GALK2: variants seen among roughly 807,000 people sequenced by gnomAD.
GALK2 encodes the protein N-acetylgalactosamine kinase.
GALK2 carries 36 observed loss-of-function variants against 52.4 expected under a neutral mutation model. The observed-to-expected ratio is 0.69, with a 90% CI of 0.53 to 0.91. The LOEUF (loss-of-function observed/expected upper bound fraction) is 0.91, where lower values mean the gene tolerates loss of function less well. Among genes scored for constraint, GALK2 ranks in the 40% least tolerant of loss-of-function variants. The probability of loss-of-function intolerance (pLI) is 0.00; values close to 1 mark genes in which losing one functional copy is unlikely to be tolerated. For missense variants in GALK2, 579 were observed against 559.1 expected (o/e 1.04, Z -0.36); for synonymous variants, 176 against 199.1 (o/e 0.88, Z 0.98).
chr15:49,224,149 A>G (rs532769517), intron 3 of GALK2, among the ~76,000 whole-genome samples: 1 of 152,120 alleles, frequency 6.6e-6, no homozygotes, highest in African/African-American at 2.4e-5. Context: ...TCCTTTGAGA[A>G]GTGTTTGTTC....
intron 3 of GALK2, among the ~76,000 whole-genome samples, chr15:49,338,718 T>G (rs1479869568): frequency 6.6e-6 from 1 of 152,202 alleles, no homozygotes; most frequent in Non-Finnish European, 1.5e-5. Context: ...TCCTGAAGAG[T>G]GTTTTCCAAC....
chr15:49,257,503 C>T (rs1345146390), intron 5 of GALK2, among the ~76,000 whole-genome samples: 1 of 152,028 alleles, frequency 6.6e-6, no homozygotes, highest in Admixed American at 6.6e-5. Context: ...CTCTTTTATC[C>T]CTGATTGTAT....
chr15:49,159,583 A>T (rs918390371), intron 1 of GALK2, among the ~76,000 whole-genome samples: 28 of 151,962 alleles, frequency 1.8e-4, no homozygotes, highest in Admixed American at 4.6e-4. Flanking sequence ...CTCAAAAAAA[A>T]AAAAAAAAAT....
At chr15:49,170,074 G>C (rs2084959515), upstream of GALK2, 1 of 731,284 alleles carries the variant, frequency 1.4e-6, no homozygotes, top group Non-Finnish European at 2.1e-6. Flanking sequence ...TCCCTCCCTG[G>C]GAGCTAAGAG....
chr15:49,249,970 C>A (rs2091517586), intron 5 of GALK2, among the ~76,000 whole-genome samples: 2 of 152,138 alleles, frequency 1.3e-5, no homozygotes, highest in South Asian at 4.1e-4. Flanking sequence ...AAGTTGCTAG[C>A]CAATTGGGAC....
At chr15:49,301,587 A>G (rs2035119392) in intron 8 of GALK2, among the ~76,000 whole-genome samples, 1 of 152,164 alleles carries the variant, frequency 6.6e-6, no homozygotes, top group African/African-American at 2.4e-5. Context: ...GAGAAGGTAA[A>G]TGGGCAGTGA....
chr15:49,233,164 G>A (rs555830202), intron 3 of GALK2, among the ~76,000 whole-genome samples: 3 of 152,308 alleles, frequency 2.0e-5, no homozygotes, highest in Admixed American at 6.5e-5. Context: ...TGTACAGGAA[G>A]CATGGCTAGG....
intron 6 of GALK2, 142 bp from the exon 7 acceptor site, chr15:49,283,424 G>C (rs775769985): frequency 4.4e-6 from 3 of 688,410 alleles, no homozygotes; most frequent in Non-Finnish European, 7.3e-6. Context: ...CCAGTGCCTA[G>C]TACAGCGCCT....
intron 3 of GALK2, among the ~76,000 whole-genome samples, chr15:49,221,550 C>G (rs530729729): frequency 6.6e-6 from 1 of 151,996 alleles, no homozygotes; most frequent in African/African-American, 2.4e-5. Flanking sequence ...GCCTATAATC[C>G]CAGCTACTCA....
chr15:49,187,104 G>A (rs1341791738), intron 1 of GALK2, among the ~76,000 whole-genome samples: 2 of 152,174 alleles, frequency 1.3e-5, no homozygotes, highest in Admixed American at 6.5e-5. Flanking sequence ...AGGGAATTGA[G>A]TATTACGATC....
In GALK2 at chr15:49,359,018, G is replaced by A. The variant is rs1384800902; in HGVS notation, c.427-8473G>A. Among the ~76,000 whole-genome samples the A allele has an allele frequency of 7.9e-5, 12 of 152,010 alleles. No homozygotes were observed. In the South Asian group the frequency reaches 2.1e-3, roughly 26 times the overall value. ...TTCCCTATTTAATAAATGGTGCTGG[G>A]AAAACTGGCTAGCCATATGTATAAA... On this transcript the variant is annotated intron_variant, in intron 3 of 3. Transcript: ENST00000558399.
chr15:49,315,995 C>G (rs1482912167), intron 8 of GALK2, among the ~76,000 whole-genome samples: 1 of 152,162 alleles, frequency 6.6e-6, no homozygotes, highest in African/African-American at 2.4e-5. Flanking sequence ...CCAAAGTGTA[C>G]TCTCCCTGAT....
chr15:49,258,186 G>C (rs1483803231), intron 5 of GALK2, among the ~76,000 whole-genome samples: 1 of 152,028 alleles, frequency 6.6e-6, no homozygotes, highest in African/African-American at 2.4e-5. Flanking sequence ...CACTGGGGTA[G>C]AGCAATTACT....
At chr15:49,304,593 T>C (rs943276981) in intron 8 of GALK2, among the ~76,000 whole-genome samples, 2 of 152,204 alleles carry the variant, frequency 1.3e-5, no homozygotes, top group Non-Finnish European at 2.9e-5. Flanking sequence ...ATGGATGTGA[T>C]GAACTTCAGT....
At chr15:49,277,773 G>C (rs975415269) in intron 5 of GALK2, among the ~76,000 whole-genome samples, 1 of 151,532 alleles carries the variant, frequency 6.6e-6, no homozygotes, top group Non-Finnish European at 1.5e-5. Context: ...TCCAGCCTGC[G>C]GACAGAGTGA....
intron 8 of GALK2, among the ~76,000 whole-genome samples, chr15:49,302,616 G>C (rs953533909): frequency 1.5e-4 from 23 of 152,122 alleles, no homozygotes; most frequent in Admixed American, 1.5e-3. Flanking sequence ...TCCAGTTGAG[G>C]GTTCTCAATT....
At chr15:49,204,315 G>A (rs2088077024) in intron 2 of GALK2, among the ~76,000 whole-genome samples, 1 of 151,036 alleles carries the variant, frequency 6.6e-6, no homozygotes, top group African/African-American at 2.4e-5. Context: ...TTTGGCTCAG[G>A]ATTGCTTTGG....
At chr15:49,355,138 G>GA (rs1422177071) in intron 3 of GALK2, among the ~76,000 whole-genome samples, 3 of 151,440 alleles carry the variant, frequency 2.0e-5, no homozygotes, top group Non-Finnish European at 2.9e-5. Context: ...CAAAGATGGG[G>GA]AAAAAACAGA....
chr15:49,342,431 G>A (rs972527168), intron 3 of GALK2, among the ~76,000 whole-genome samples: 2 of 152,086 alleles, frequency 1.3e-5, no homozygotes, highest in Admixed American at 6.5e-5. Context: ...GTTGTTACTT[G>A]TAAAAAGGGT....
Sources: allele counts gnomAD v4.1 joint callset (sites outside exome capture counted in the v4.1 genomes callset), GRCh38; gene constraint gnomAD v4.1.1; transcripts MANE v1.5; gene names NCBI Gene and HGNC (gene_info 2026-07-23, HGNC 2026-07-21).